The following MAP4K5 variants were observed in gnomAD, a reference collection of about 807,000 sequenced individuals.
MAP4K5 encodes mitogen-activated protein kinase kinase kinase kinase 5.
Under a neutral mutation model 135.6 loss-of-function variants are expected in MAP4K5, and 82 were observed. That is an observed-to-expected ratio of 0.60 (90% CI 0.51 to 0.73). MAP4K5 has a LOEUF of 0.73. MAP4K5 is among the 30% of genes least tolerant of loss of function. The probability of loss-of-function intolerance (pLI) is 0.00; values close to 1 mark genes in which losing one functional copy is unlikely to be tolerated. For missense variants in MAP4K5, 907 were observed against 1,010.9 expected, an observed-to-expected ratio of 0.90 and a Z score of 1.39; for synonymous variants, 347 against 335.0, an observed-to-expected ratio of 1.04 and a Z score of -0.39.
At chr14:50,465,584 C>T (rs2356250) in intron 11 of MAP4K5, among the ~76,000 whole-genome samples, 1 of 152,108 alleles carries the variant, frequency 6.6e-6, no homozygotes, top group Non-Finnish European at 1.5e-5. Flanking sequence ...TTTTAAGTGT[C>T]ATGTTATCTG....
At chr14:50,461,417 T>C (rs1342210289) in intron 13 of MAP4K5, among the ~76,000 whole-genome samples, 1 of 150,482 alleles carries the variant, frequency 6.6e-6, no homozygotes, top group Non-Finnish European at 1.5e-5. Context: ...AAAAGGGAAA[T>C]AAAATAAATA....
At chr14:50,524,991 G>A (rs1456373532) in intron 2 of MAP4K5, among the ~76,000 whole-genome samples, 11 of 152,128 alleles carry the variant, frequency 7.2e-5, no homozygotes, top group Admixed American at 7.2e-4. Context: ...ATACCGCTTT[G>A]TTTCTTCTCA....
intron 2 of MAP4K5, among the ~76,000 whole-genome samples, chr14:50,518,892 T>C (rs72679523): frequency 0.025 from 3,768 of 152,278 alleles, 75 homozygotes; most frequent in Middle Eastern, 0.041. Context: ...GAACTCTCAG[T>C]CATTGTTGAT....
chr14:50,503,441 T>C (rs1355478731), intron 3 of MAP4K5, among the ~76,000 whole-genome samples: 3 of 151,998 alleles, frequency 2.0e-5, no homozygotes, highest in Non-Finnish European at 4.4e-5. Flanking sequence ...TTCAAAAGAG[T>C]CTTATGATCC....
chr14:50,536,464 C>A (rs933090417), upstream of MAP4K5, among the ~76,000 whole-genome samples: 5 of 151,044 alleles, frequency 3.3e-5, no homozygotes, highest in Non-Finnish European at 7.4e-5. Flanking sequence ...AAAATTGTTA[C>A]CAGTAGAGTG....
intron 2 of MAP4K5, among the ~76,000 whole-genome samples, chr14:50,523,053 T>G (rs1744720803): frequency 6.6e-6 from 1 of 152,226 alleles, no homozygotes; most frequent in Admixed American, 6.5e-5. Context: ...GGCTCACACC[T>G]GTAATCCCAG....
chr14:50,429,242 G>C lies in MAP4K5; in HGVS notation c.2183C>G (p.Ser728Cys). ...EIGAGSQQLD[S>C]IHVTQLERDT... Reference sequence around the variant, plus strand: ...TCTCTCCAACTGTGTTACATGAATGGAATCTAACTGCTGGCTGCCTTAGGA... The same window carrying C: ...TCTCTCCAACTGTGTTACATGAATGCAATCTAACTGCTGGCTGCCTTAGGA... The change falls in exon 29 of 33, where the codon TCC becomes TGC. Residue 728 changes from serine (S) to cysteine (C), a missense_variant. Physicochemically the swap from Ser to Cys is moderately radical, Grantham distance 112. Around this residue, in one of 3 missense-constraint regions of MAP4K5, gnomAD observed 690 missense variants for 777.4 expected, o/e 0.89. Transcript: ENST00000682126. The C allele has an allele frequency of 6.4e-7, 1 of 1,562,574 alleles. No individual in the cohort carries two copies. The highest frequency in any genetic ancestry group is 1.4e-5 in the African/African-American group (1 of 73,680).
intron 1 of MAP4K5, among the ~76,000 whole-genome samples, chr14:50,546,457 T>C (rs894666486): frequency 6.6e-6 from 1 of 152,176 alleles, no homozygotes; most frequent in Non-Finnish European, 1.5e-5. Context: ...TCTGACATGC[T>C]ACCAACTTGG....
At chr14:50,555,137 C>A (rs1338895492) in intron 1 of MAP4K5, among the ~76,000 whole-genome samples, 1 of 152,212 alleles carries the variant, frequency 6.6e-6, no homozygotes, top group Non-Finnish European at 1.5e-5. Context: ...CACTTCTTCC[C>A]TTTTACCCTT....
At chr14:50,493,657 G>T (rs1256415048) in intron 3 of MAP4K5, among the ~76,000 whole-genome samples, 1 of 152,040 alleles carries the variant, frequency 6.6e-6, no homozygotes, top group Non-Finnish European at 1.5e-5. Flanking sequence ...TCTATACACA[G>T]TGAACAATCA....
At chr14:50,505,268 T>C (rs10136094) in intron 2 of MAP4K5, 2,264 of 164,262 alleles carry the variant, frequency 0.014, 44 homozygotes, top group African/African-American at 0.052. Flanking sequence ...TCAGTGTACA[T>C]GCATCTCTTT....
At chr14:50,484,197 A>T (rs2037315161) in intron 5 of MAP4K5, among the ~76,000 whole-genome samples, 2 of 152,190 alleles carry the variant, frequency 1.3e-5, no homozygotes, top group African/African-American at 4.8e-5. Context: ...TTAAATCCAC[A>T]TGCCTAAGAA....
Position 50,462,740 on chromosome 14 carries a change from T to G in MAP4K5, c.861A>C (p.Ala287=), listed in dbSNP as rs1193105018. The part of the protein sequence containing the change: ...VAQPGLSRAL[A]VELLDKVNNP... ...TGTTCACTTTGTCTAACAGTTCAAC[T>G]GCTAGGGCTCTAGAGAGACCTGGCT... The change falls in exon 13 of 33, where the codon GCA becomes GCC. Residue 287 remains alanine (A), a synonymous_variant. Transcript: ENST00000682126. 6 of 1,606,164 alleles carry G rather than the reference T, an allele frequency of 3.7e-6. No individual in the cohort carries two copies. The East Asian group carries it at 1.1e-4, about 30-fold the overall frequency.
chr14:50,420,520 T>C (rs1464722829), intron 32 of MAP4K5, among the ~76,000 whole-genome samples: 1 of 152,006 alleles, frequency 6.6e-6, no homozygotes, highest in African/African-American at 2.4e-5. Context: ...TAGTCCCAGC[T>C]ACTCAGGACG....
intron 14 of MAP4K5, among the ~76,000 whole-genome samples, chr14:50,454,372 A>G (rs1021894590): frequency 2.0e-5 from 3 of 152,174 alleles, no homozygotes; most frequent in African/African-American, 7.2e-5. Context: ...GGTGGTAGTT[A>G]TATGAGTGTA....
chr14:50,514,907 CTTT>C (rs11307400), intron 2 of MAP4K5, among the ~76,000 whole-genome samples: 15 of 138,170 alleles, frequency 1.1e-4, no homozygotes, highest in African/African-American at 1.3e-4. Context: ...CATCCTTATT[CTTT>C]TTTTTTTTTT....
Position 50,468,651 on chromosome 14 carries a change from C to T in MAP4K5, c.674G>A (p.Arg225Lys). 2 of 1,613,046 alleles carry T rather than the reference C, an allele frequency of 1.2e-6. No homozygotes were observed. Among genetic ancestry groups the T allele is most frequent in the Non-Finnish European group, 1.7e-6 (2 of 1,179,340 alleles). The part of the protein sequence containing the change: ...QPPMFDLHPM[R>K]ALFLMSKSNF... Reference sequence around the variant, plus strand: ...GGATAATTATAAATAATGAGAACACCTCATTGGGTGGAGATCAAACATAGG... The same window carrying T: ...GGATAATTATAAATAATGAGAACACTTCATTGGGTGGAGATCAAACATAGG... The change falls in exon 10 of 33, where the codon AGG becomes AAG. Residue 225 changes from arginine (R) to lysine (K), a missense_variant and splice_region_variant. Arg to Lys is a conservative substitution (Grantham distance 26). Coordinates refer to ENST00000682126, the MANE Select transcript of MAP4K5 (RefSeq NM_006575.6).
At chr14:50,532,929 A>C (rs1231960659), upstream of MAP4K5, 1 of 152,324 alleles carries the variant, frequency 6.6e-6, no homozygotes, top group East Asian at 1.9e-4. Flanking sequence ...GTAGCCCTCC[A>C]AGTTAAACAC....
At chr14:50,530,937 T>G (rs1217737423) in intron 2 of MAP4K5, among the ~76,000 whole-genome samples, 1 of 152,174 alleles carries the variant, frequency 6.6e-6, no homozygotes, top group Non-Finnish European at 1.5e-5. Flanking sequence ...CCCAGAGGAA[T>G]CTACTGGTTA....
Sources: gnomAD v4.1 joint callset for allele counts (sites outside exome capture counted in the v4.1 genomes callset) on GRCh38, gnomAD v4.1.1 for gene constraint, gnomAD v4.1.1 regional missense constraint, MANE v1.5 for transcripts, NCBI Gene and HGNC (gene_info 2026-07-23, HGNC 2026-07-21) for gene names.